PTCD3: variants seen among roughly 807,000 people sequenced by gnomAD.
PTCD3 encodes the protein small ribosomal subunit protein mS39.
A neutral mutation model predicts 101.9 loss-of-function variants in PTCD3; 89 were observed. That is an observed-to-expected ratio of 0.87 (90% CI 0.74 to 1.04). The LOEUF is 1.04. Among genes scored for constraint, PTCD3 ranks in the 50% least tolerant of loss-of-function variants. The probability of loss-of-function intolerance (pLI) is 0.00; values close to 1 mark genes in which losing one functional copy is unlikely to be tolerated. For synonymous variants in PTCD3, 296 were observed against 278.5 expected (o/e 1.06, Z -0.63); for missense variants, 870 against 828.2 (o/e 1.05, Z -0.62).
chr2:86,121,849 T>C (rs1674289434), intron 8 of PTCD3, among the ~76,000 whole-genome samples: 1 of 152,214 alleles, frequency 6.6e-6, no homozygotes, highest in African/African-American at 2.4e-5. Context: ...TGATCAGAAA[T>C]GTTTGGGCTG....
chr2:86,133,286 A>T, intron 18 of PTCD3, 30 bp downstream of exon 18: 1 of 1,613,832 alleles, frequency 6.2e-7, no homozygotes, highest in South Asian at 1.1e-5. Flanking sequence ...GTTATTTATC[A>T]TTCTAGATGA....
In PTCD3 at chr2:86,138,676, C is replaced by CCA. The variant is rs1674637027; in HGVS notation, c.*1117_*1118insCA. ...GGTCTTAAGGCATTTAATTGAGGGA[C>CCA]AAAAAAAAAAAAAGCCGATATAGTA... On this transcript the variant is annotated 3_prime_UTR_variant, in exon 24 of 24. Coordinates refer to ENST00000254630, the MANE Select transcript of PTCD3 (RefSeq NM_017952.6). The CCA allele has an allele frequency of 7.2e-6, 1 of 138,300 alleles. No homozygotes were observed. Among genetic ancestry groups the CCA allele is most frequent in the African/African-American group, 2.6e-5 (1 of 37,758 alleles). 8.6% of individuals were successfully genotyped at this position (138,300 alleles called of 1,614,324 possible).
In PTCD3 at chr2:86,134,394, C is replaced by A; in HGVS notation, c.1629+17C>A. On this transcript the variant is annotated intron_variant, in intron 20 of 23. Transcript: ENST00000254630. ...CCACCAGAGGTAGGCCTGAAACTCACCAGCCAGTATATCCTCCCATACTGA... is the reference window on the plus strand; with the variant it reads ...CCACCAGAGGTAGGCCTGAAACTCAACAGCCAGTATATCCTCCCATACTGA... 1 of 1,581,414 alleles carries A rather than the reference C, an allele frequency of 6.3e-7. No individual in the cohort carries two copies. The highest frequency in any genetic ancestry group is 8.7e-7 in the Non-Finnish European group (1 of 1,150,636).
At chr2:86,134,804 A>G in intron 20 of PTCD3, 35 bp from the exon 21 acceptor site, 2 of 1,610,872 alleles carry the variant, frequency 1.2e-6, no homozygotes, top group East Asian at 2.2e-5. Flanking sequence ...TCATAAAATC[A>G]GTTAGGCAGT....
chr2:86,126,913 C>T (rs954778512), intron 12 of PTCD3, among the ~76,000 whole-genome samples: 4 of 151,768 alleles, frequency 2.6e-5, no homozygotes, highest in Non-Finnish European at 5.9e-5. Context: ...GGAAAACTCT[C>T]CTAGGTAGAA....
Position 86,111,277 on chromosome 2 carries a change from G to A in PTCD3, c.240+119G>A, listed in dbSNP as rs59053280. Reference sequence around the variant, plus strand: ...TCATTACTCAGAATTAAACTGTTGTGCGTCTAGAAAGTTTCTTTAAAATTG... The same window carrying A: ...TCATTACTCAGAATTAAACTGTTGTACGTCTAGAAAGTTTCTTTAAAATTG... On this transcript the variant is annotated intron_variant, in intron 4 of 23. Coordinates refer to ENST00000254630, the MANE Select transcript of PTCD3 (RefSeq NM_017952.6). 8.5e-3 allele frequency: 8,439 copies of A among 994,590 alleles called. 323 individuals carry two copies. The East Asian group carries it at 0.12, about 14-fold the overall frequency. 61.6% of individuals were successfully genotyped at this position (994,590 alleles called of 1,614,324 possible).
chr2:86,119,002 G>A lies in PTCD3; in HGVS notation c.496G>A (p.Val166Ile), dbSNP rs758129112. The A allele has an allele frequency of 4.3e-6, 7 of 1,614,020 alleles. No homozygotes were observed. Among genetic ancestry groups the A allele is most frequent in the Admixed American group, 3.3e-5 (2 of 59,988 alleles). The change falls in exon 7 of 24, where the codon GTC (valine) becomes ATC (isoleucine). Residue 166 changes from valine (V) to isoleucine (I), a missense_variant. Val to Ile is a conservative substitution (Grantham distance 29). Coordinates refer to ENST00000254630, the MANE Select transcript of PTCD3 (RefSeq NM_017952.6). Reference protein sequence around the residue: ...ALKERIELRKVKASVDMFDQL... With the variant: ...ALKERIELRKIKASVDMFDQL... ...GAAGGAACGAATTGAGCTCAGAAAA[G>A]TCAAAGCCTCTGTGGACATGTTTGA... is the stretch of plus-strand genomic sequence containing the variant.
rs1274721766 is a variant in PTCD3, at chr2:86,142,135, T to C, written c.*4576T>C. On this transcript the variant is annotated 3_prime_UTR_variant, in exon 24 of 24. Coordinates refer to ENST00000254630, the MANE Select transcript of PTCD3 (RefSeq NM_017952.6). ...AGTCTTCATTATTTTGTTTTACAGG[T>C]TAAAATAAACCACTTGACTGGGCAC... 1 of 152,076 alleles carries C rather than the reference T, an allele frequency of 6.6e-6. No individual in the cohort carries two copies. Among genetic ancestry groups the C allele is most frequent in the Non-Finnish European group, 1.5e-5 (1 of 68,024 alleles). 9.4% of individuals were successfully genotyped at this position (152,076 alleles called of 1,614,324 possible).
rs1192961118 is a variant in PTCD3 at position 86,125,862 on chromosome 2, A to G, written c.933A>G (p.Glu311=). 1 of 1,599,484 alleles carries G rather than the reference A, an allele frequency of 6.3e-7. No homozygotes were observed. Among genetic ancestry groups the G allele is most frequent in the South Asian group, 1.1e-5 (1 of 90,702 alleles). Residue 311 remains glutamate (E), a synonymous_variant, in exon 12 of 24, where the codon GAA becomes GAG. Coordinates refer to ENST00000254630, the MANE Select transcript of PTCD3 (RefSeq NM_017952.6). ...GTGCGATAAATGAGAAATTTGAGGA[A>G]AAATGGAGTAAAATACTGGTAAGGA... ...TVCAINEKFE[E]KWSKILELLR...
At chr2:86,116,744 A>G (rs1674185170) in intron 5 of PTCD3, 146 bp downstream of exon 5, 1 of 685,342 alleles carries the variant, frequency 1.5e-6, no homozygotes, top group Non-Finnish European at 2.5e-6. Context: ...TACTTTCTTC[A>G]AAAAGATGTA....
chr2:86,114,755 G>A (rs1674150047), intron 4 of PTCD3, among the ~76,000 whole-genome samples: 1 of 152,138 alleles, frequency 6.6e-6, no homozygotes, highest in South Asian at 2.1e-4. Flanking sequence ...TGTGTGTGAG[G>A]TCTCCGTGAC....
At chr2:86,130,059 T>C (rs1674468187) in intron 14 of PTCD3, among the ~76,000 whole-genome samples, 3 of 152,224 alleles carry the variant, frequency 2.0e-5, no homozygotes, top group Admixed American at 2.0e-4. Context: ...CCCAGCACTT[T>C]GGGAGGCCGA....
At chr2:86,129,143 C>A (rs995299103) in intron 14 of PTCD3, among the ~76,000 whole-genome samples, 1 of 152,136 alleles carries the variant, frequency 6.6e-6, no homozygotes, top group African/African-American at 2.4e-5. Flanking sequence ...AAACAGTTTC[C>A]ATAATTGTGT....
chr2:86,110,972 T>C (rs994637872), intron 3 of PTCD3, 141 bp from the exon 4 acceptor site: 3 of 822,718 alleles, frequency 3.6e-6, no homozygotes, highest in Non-Finnish European at 6.4e-6. Context: ...TTCTAATTTA[T>C]TCTAGTGACC....
At chr2:86,136,481 T>C in intron 21 of PTCD3, 40 bp from the exon 22 acceptor site, 1 of 1,569,224 alleles carries the variant, frequency 6.4e-7, no homozygotes, top group Non-Finnish European at 8.8e-7. Flanking sequence ...TTGCCTTGTT[T>C]TTCTAATAGT....
At chr2:86,127,521 G>A in intron 13 of PTCD3, 4 of 545,226 alleles carry the variant, frequency 7.3e-6, no homozygotes, top group Non-Finnish European at 1.3e-5. Flanking sequence ...TTTGTTTATG[G>A]ATCTGTTGAA....
At chr2:86,130,128 CTCCT>C (rs1466889201) in intron 14 of PTCD3, among the ~76,000 whole-genome samples, 1 of 152,120 alleles carries the variant, frequency 6.6e-6, no homozygotes, top group Admixed American at 6.5e-5. Context: ...GGGGAAACCC[CTCCT>C]CTACTAAAAA....
At position 86,133,437 on chromosome 2, in the gene PTCD3, G is replaced by A; in HGVS notation, c.1543+1G>A. 1.2e-6 allele frequency: 2 copies of A among 1,609,172 alleles called. No homozygotes were observed. Among genetic ancestry groups the A allele is most frequent in the Non-Finnish European group, 1.7e-6 (2 of 1,175,562 alleles). Reference sequence around the variant, plus strand: ...GAAGTGATTCCTAAAATTTGGAAAGGTCAGTTTTACTTTTTATGTGTCCAG... The same window carrying A: ...GAAGTGATTCCTAAAATTTGGAAAGATCAGTTTTACTTTTTATGTGTCCAG... On this transcript the variant is annotated splice_donor_variant, in intron 19 of 23. Coordinates refer to ENST00000254630, the MANE Select transcript of PTCD3 (RefSeq NM_017952.6). LOFTEE classifies it high-confidence loss of function.
chr2:86,129,531 A>G (rs1674457953), intron 14 of PTCD3, among the ~76,000 whole-genome samples: 1 of 152,178 alleles, frequency 6.6e-6, no homozygotes, highest in African/African-American at 2.4e-5. Context: ...AGTCCCAGCT[A>G]CTCAGGAGTG....
Sources: allele counts gnomAD v4.1 joint callset (sites outside exome capture counted in the v4.1 genomes callset), GRCh38; gene constraint gnomAD v4.1.1; transcripts MANE v1.5; gene names NCBI Gene and HGNC (gene_info 2026-07-23, HGNC 2026-07-21).